FOCAD: variants seen among roughly 807,000 people sequenced by gnomAD.
FOCAD encodes focadhesin.
In FOCAD, 198 loss-of-function variants were observed where a neutral mutation model predicts 225.6. The observed-to-expected ratio is 0.88, with a 90% CI of 0.78 to 0.99. FOCAD has a LOEUF of 0.99. Ranked by LOEUF, FOCAD falls within the 50% of genes least tolerant of loss-of-function variation. FOCAD has a pLI of 0.00. For synonymous variants in FOCAD, 897 were observed against 755.0 expected, an observed-to-expected ratio of 1.19 and a Z score of -3.08; for missense variants, 2,713 against 2,123.6, an observed-to-expected ratio of 1.28 and a Z score of -5.46.
upstream of FOCAD, among the ~76,000 whole-genome samples, chr9:20,681,884 T>A (rs1335605443): frequency 1.3e-5 from 2 of 152,208 alleles, no homozygotes; most frequent in African/African-American, 4.8e-5. Flanking sequence ...CCAAGTTTAA[T>A]GGTCAAGTTT....
At chr9:20,870,184 T>G (rs368693821) in intron 18 of FOCAD, among the ~76,000 whole-genome samples, 2 of 152,304 alleles carry the variant, frequency 1.3e-5, no homozygotes, top group African/African-American at 4.8e-5. Context: ...AGGGTTAATT[T>G]TAGAAATAAT....
chr9:20,907,929 C>T (rs538502898), intron 22 of FOCAD, among the ~76,000 whole-genome samples: 3 of 152,128 alleles, frequency 2.0e-5, no homozygotes, highest in African/African-American at 7.2e-5. Flanking sequence ...CGAGGACTTC[C>T]AGTTGTCTCT....
chr9:20,911,873 AAGAC>A (rs1833467585), intron 22 of FOCAD, among the ~76,000 whole-genome samples: 1 of 152,134 alleles, frequency 6.6e-6, no homozygotes, highest in African/African-American at 2.4e-5. Flanking sequence ...CAATAAGAAA[AAGAC>A]AGCTAGTAGA....
rs375891202 is a variant in FOCAD at position 20,980,294 on chromosome 9, T to C, written c.4378-1132T>C. On this transcript the variant is annotated intron_variant, in intron 37 of 43. Coordinates refer to ENST00000338382, the MANE Select transcript of FOCAD (RefSeq NM_001375567.1). Reference sequence around the variant, plus strand: ...AAATGGAGGTCAAGCAAAGTTTGCCTAGCTAATAAAAGAGAGAGCTCTATC... The same window carrying C: ...AAATGGAGGTCAAGCAAAGTTTGCCCAGCTAATAAAAGAGAGAGCTCTATC... Among the ~76,000 whole-genome samples, 10 of 152,316 alleles carry C rather than the reference T, an allele frequency of 6.6e-5. No homozygotes were observed. The East Asian group carries it at 1.7e-3, about 26-fold the overall frequency.
At chr9:20,821,143 C>A in intron 14 of FOCAD, 72 bp downstream of exon 14, 1 of 1,429,010 alleles carries the variant, frequency 7.0e-7, no homozygotes, top group Non-Finnish European at 9.5e-7. Context: ...TAATTGCAAG[C>A]AAGAGGCAAG....
At chr9:20,797,128 G>C (rs1176253329) in intron 11 of FOCAD, among the ~76,000 whole-genome samples, 1 of 152,172 alleles carries the variant, frequency 6.6e-6, no homozygotes, top group Non-Finnish European at 1.5e-5. Flanking sequence ...GATAGTTGTA[G>C]ATGTGTGGCA....
Position 20,717,332 on chromosome 9 carries a change from G to A in FOCAD, c.58-462G>A, listed in dbSNP as rs111721860. Among the ~76,000 whole-genome samples, 1,140 of 152,282 alleles carry A rather than the reference G, an allele frequency of 7.5e-3. 19 individuals carry two copies. Among genetic ancestry groups the A allele is most frequent in the African/African-American group, 0.026 (1,073 of 41,558 alleles). Reference sequence around the variant, plus strand: ...GCAATAGTGAAGTAGTTTCCAACCCGTACACAGAATGGCAATGATTGTTGC... The same window carrying A: ...GCAATAGTGAAGTAGTTTCCAACCCATACACAGAATGGCAATGATTGTTGC... On this transcript the variant is annotated intron_variant, in intron 2 of 43. Coordinates refer to ENST00000338382, the MANE Select transcript of FOCAD (RefSeq NM_001375567.1).
rs939796261 is a variant in FOCAD at position 20,752,921 on chromosome 9, A to G, written c.393-5169A>G. ...TAGGTATTTTATTCTCTTTGAAGCAATTGGGAATGGGAGTTCACTCATGAT... is the reference window on the plus strand; with the variant it reads ...TAGGTATTTTATTCTCTTTGAAGCAGTTGGGAATGGGAGTTCACTCATGAT... On this transcript the variant is annotated intron_variant, in intron 5 of 43. Transcript: ENST00000338382. Among the ~76,000 whole-genome samples, 332 of 149,400 alleles carry G rather than the reference A, an allele frequency of 2.2e-3. 2 individuals are homozygous for G. Among genetic ancestry groups the G allele is most frequent in the African/African-American group, 7.6e-3 (312 of 40,790 alleles).
intron 4 of FOCAD, among the ~76,000 whole-genome samples, chr9:20,728,275 T>G (rs1826379745): frequency 6.6e-6 from 1 of 152,174 alleles, no homozygotes; most frequent in African/African-American, 2.4e-5. Context: ...TTTTGGGATA[T>G]TTGCATATAT....
At chr9:20,855,191 A>G (rs1828043408) in intron 15 of FOCAD, among the ~76,000 whole-genome samples, 1 of 151,682 alleles carries the variant, frequency 6.6e-6, no homozygotes. Context: ...ATTTATTAAA[A>G]CTTTCCCATG....
intron 20 of FOCAD, among the ~76,000 whole-genome samples, chr9:20,883,086 G>A (rs1339076727): frequency 6.6e-6 from 1 of 152,128 alleles, no homozygotes; most frequent in Non-Finnish European, 1.5e-5. Context: ...CTCTTTGATT[G>A]ACAATAACAC....
intron 1 of FOCAD, among the ~76,000 whole-genome samples, chr9:20,711,108 C>T (rs1039620329): frequency 1.3e-5 from 2 of 152,220 alleles, no homozygotes; most frequent in African/African-American, 4.8e-5. Flanking sequence ...TGCAGTAACA[C>T]TGAATATAAA....
At chr9:20,787,786 C>T (rs1018901880) in intron 10 of FOCAD, among the ~76,000 whole-genome samples, 3 of 151,378 alleles carry the variant, frequency 2.0e-5, no homozygotes, top group African/African-American at 4.9e-5. Flanking sequence ...CAAGCAACTA[C>T]AAATATATTA....
intron 5 of FOCAD, among the ~76,000 whole-genome samples, chr9:20,740,983 A>G (rs186065090): frequency 1.3e-5 from 2 of 152,248 alleles, no homozygotes; most frequent in Admixed American, 1.3e-4. Flanking sequence ...CTCTTAAGAG[A>G]GGGGCTCTGA....
At chr9:20,901,647 T>C (rs1485155086) in intron 21 of FOCAD, among the ~76,000 whole-genome samples, 2 of 151,916 alleles carry the variant, frequency 1.3e-5, no homozygotes, top group Non-Finnish European at 2.9e-5. Context: ...AAAACATGTA[T>C]GAGGAAACAT....
intron 15 of FOCAD, among the ~76,000 whole-genome samples, chr9:20,836,457 G>A (rs1167212755): frequency 6.6e-6 from 1 of 152,076 alleles, no homozygotes; most frequent in African/African-American, 2.4e-5. Flanking sequence ...CTATGCATTA[G>A]AGAATGAATT....
intron 8 of FOCAD, among the ~76,000 whole-genome samples, chr9:20,775,180 C>T (rs934936034): frequency 2.0e-5 from 3 of 152,118 alleles, no homozygotes; most frequent in Non-Finnish European, 4.4e-5. Context: ...ATTTCTTAGG[C>T]TGCATTAGTT....
chr9:20,665,946 G>A (rs1018879793), intron 2 of FOCAD, among the ~76,000 whole-genome samples: 2 of 151,992 alleles, frequency 1.3e-5, no homozygotes, highest in Admixed American at 1.3e-4. Flanking sequence ...CGAGGTTGGA[G>A]TGCAATGGCG....
intron 4 of FOCAD, among the ~76,000 whole-genome samples, chr9:20,724,605 G>A (rs966098917): frequency 6.6e-6 from 1 of 151,988 alleles, no homozygotes. Flanking sequence ...TTTCCTTATT[G>A]TTGCCAGTGG....
Sources: gnomAD v4.1 joint callset for allele counts (sites outside exome capture counted in the v4.1 genomes callset) on GRCh38, gnomAD v4.1.1 for gene constraint, MANE v1.5 for transcripts, NCBI Gene and HGNC (gene_info 2026-07-23, HGNC 2026-07-21) for gene names.